Variants in HS6ST2 observed in about 807,000 individuals in gnomAD.
HS6ST2 encodes heparan-sulfate 6-O-sulfotransferase 2.
Under a neutral mutation model 33.0 loss-of-function variants are expected in HS6ST2, and 17 were observed. That is an observed-to-expected ratio of 0.52 (90% CI 0.35 to 0.77). HS6ST2 has a LOEUF of 0.77. HS6ST2 is among the 30% of genes least tolerant of loss of function. The pLI is 0.01. For synonymous variants in HS6ST2, 248 were observed against 237.1 expected (o/e 1.05, Z -0.42); for missense variants, 519 against 551.7 (o/e 0.94, Z 0.59).
intron 2 of HS6ST2, among the ~76,000 whole-genome samples, chrX:132,886,305 A>G (rs1245985526): frequency 9.0e-6 from 1 of 111,719 alleles, no homozygotes; most frequent in Non-Finnish European, 1.9e-5. Context: ...AGAAATTAAA[A>G]TTTTCCCACA....
chrX:132,665,527 T>C (rs2063802700), intron 4 of HS6ST2, among the ~76,000 whole-genome samples: 2 of 111,870 alleles, frequency 1.8e-5, no homozygotes, highest in Non-Finnish European at 3.8e-5. Flanking sequence ...TCTTGGTGGC[T>C]ACTACACATG....
intron 3 of HS6ST2, among the ~76,000 whole-genome samples, chrX:132,708,080 C>T (rs1418205422): frequency 9.0e-6 from 1 of 110,739 alleles, no homozygotes; most frequent in Non-Finnish European, 1.9e-5. Context: ...GACAGGCAGA[C>T]GTGCCTGAAG....
intron 2 of HS6ST2, among the ~76,000 whole-genome samples, chrX:132,824,333 G>C (rs974620739): frequency 6.2e-5 from 7 of 112,102 alleles, no homozygotes; most frequent in African/African-American, 1.9e-4. Context: ...CCAGGTCCCA[G>C]CAAATGCAAT....
chrX:132,699,484 C>A (rs945737273), intron 3 of HS6ST2, among the ~76,000 whole-genome samples: 3 of 112,023 alleles, frequency 2.7e-5, no homozygotes, highest in Non-Finnish European at 5.6e-5. Flanking sequence ...TCACATGGCT[C>A]TTCAACAATA....
At chrX:132,870,038 C>G (rs975970179) in intron 2 of HS6ST2, among the ~76,000 whole-genome samples, 6 of 111,238 alleles carry the variant, frequency 5.4e-5, no homozygotes, top group African/African-American at 1.3e-4. Context: ...AGCCCAAAAT[C>G]TCCTTAAGCT....
At chrX:132,812,656 T>A (rs896666438) in intron 2 of HS6ST2, among the ~76,000 whole-genome samples, 4 of 109,250 alleles carry the variant, frequency 3.7e-5, no homozygotes, top group Non-Finnish European at 7.6e-5. Flanking sequence ...GGTTTTGTTG[T>A]TCTTGTTTCC....
Position 132,875,195 on chromosome X carries a change from C to T in HS6ST2, c.947+81613G>A, listed in dbSNP as rs763776557. Among the ~76,000 whole-genome samples the T allele has an allele frequency of 5.4e-5, 6 of 112,027 alleles. No individual in the cohort carries two copies. The South Asian group carries it at 2.3e-3, about 42-fold the overall frequency. ...TGGAGACTATGGTTCCAGCAGGTGGCATGTATTGCCAACTTGATTGTCACA... is the reference window on the plus strand; with the variant it reads ...TGGAGACTATGGTTCCAGCAGGTGGTATGTATTGCCAACTTGATTGTCACA... On this transcript the variant is annotated intron_variant, in intron 2 of 4. Coordinates refer to ENST00000370833, the MANE Select transcript of HS6ST2 (RefSeq NM_001394073.1).
chrX:132,832,890 C>A (rs1233442527), intron 2 of HS6ST2, among the ~76,000 whole-genome samples: 1 of 111,444 alleles, frequency 9.0e-6, no homozygotes, highest in Non-Finnish European at 1.9e-5. Flanking sequence ...TTCACTGATG[C>A]AACCCTCACC....
At chrX:132,903,073 G>T (rs1323539419) in intron 2 of HS6ST2, among the ~76,000 whole-genome samples, 2 of 111,533 alleles carry the variant, frequency 1.8e-5, no homozygotes, top group East Asian at 2.8e-4. Context: ...ACATTTATTA[G>T]AACTAATAAA....
intron 3 of HS6ST2, among the ~76,000 whole-genome samples, chrX:132,672,019 A>C (rs773862220): frequency 1.9e-4 from 21 of 112,028 alleles, no homozygotes; most frequent in Non-Finnish European, 3.4e-4. Flanking sequence ...CAGTTAGATA[A>C]GCCTGGGCAA....
intron 2 of HS6ST2, among the ~76,000 whole-genome samples, chrX:132,875,385 G>C (rs1209097906): frequency 9.0e-6 from 1 of 111,663 alleles, no homozygotes; most frequent in Non-Finnish European, 1.9e-5. Flanking sequence ...CGTCTCTGGA[G>C]ATGGAGCTTT....
chrX:132,671,760 A>G lies in HS6ST2; in HGVS notation c.981-2561T>C, dbSNP rs2063882356. 3.6e-5 allele frequency among the ~76,000 whole-genome samples: 4 copies of G among 111,553 alleles called. No homozygotes were observed. In the South Asian group the frequency reaches 1.5e-3, roughly 43 times the overall value. On this transcript the variant is annotated intron_variant, in intron 3 of 4. Transcript: ENST00000370833. Reference sequence around the variant, plus strand: ...TGAAAACAAAAACATTCTCAGGAATAAATCACACAGGGAAGGCATTGCACC... The same window carrying G: ...TGAAAACAAAAACATTCTCAGGAATGAATCACACAGGGAAGGCATTGCACC...
chrX:132,838,144 C>T (rs959616542), intron 2 of HS6ST2, among the ~76,000 whole-genome samples: 1 of 111,455 alleles, frequency 9.0e-6, no homozygotes, highest in Non-Finnish European at 1.9e-5. Flanking sequence ...ACAAGCTCTC[C>T]CCGCCCACCC....
chrX:132,724,037 GGCT>G (rs1306884370), intron 2 of HS6ST2, among the ~76,000 whole-genome samples: 4 of 111,886 alleles, frequency 3.6e-5, no homozygotes, highest in African/African-American at 1.3e-4. Context: ...CTACTTGGGA[GGCT>G]GAGGCAGGAG....
At chrX:132,753,637 A>G (rs2064729403) in intron 2 of HS6ST2, among the ~76,000 whole-genome samples, 1 of 111,870 alleles carries the variant, frequency 8.9e-6, no homozygotes, top group Non-Finnish European at 1.9e-5. Context: ...AAACCACTTT[A>G]CTTTATAAAT....
At chrX:132,959,743 G>A (rs2067129191), upstream of HS6ST2, among the ~76,000 whole-genome samples, 1 of 112,291 alleles carries the variant, frequency 8.9e-6, no homozygotes, top group Admixed American at 9.4e-5. Flanking sequence ...TGTAAGATAG[G>A]ACCAATTATG....
chrX:132,866,905 T>C (rs1328160091), intron 2 of HS6ST2, among the ~76,000 whole-genome samples: 1 of 107,280 alleles, frequency 9.3e-6, no homozygotes, highest in African/African-American at 3.4e-5. Context: ...TTTCTAGATA[T>C]ACAATCATGT....
intron 2 of HS6ST2, among the ~76,000 whole-genome samples, chrX:132,940,876 T>C (rs1487782202): frequency 2.7e-5 from 3 of 111,618 alleles, no homozygotes; most frequent in Non-Finnish European, 3.8e-5. Flanking sequence ...TCAGAAGAGC[T>C]GAATTTTGTG....
chrX:132,760,989 C>T (rs777613046), intron 2 of HS6ST2, among the ~76,000 whole-genome samples: 17 of 111,344 alleles, frequency 1.5e-4, no homozygotes, highest in Middle Eastern at 4.7e-3. Context: ...TGTAGTCATT[C>T]AGTTTAACTA....
Sources: allele counts gnomAD v4.1 joint callset (sites outside exome capture counted in the v4.1 genomes callset), GRCh38; gene constraint gnomAD v4.1.1; transcripts MANE v1.5; gene names NCBI Gene and HGNC (gene_info 2026-07-23, HGNC 2026-07-21).